TNRC18: variants seen among roughly 807,000 people sequenced by gnomAD.
TNRC18 encodes the protein trinucleotide repeat-containing gene 18 protein.
A neutral mutation model predicts 226.7 loss-of-function variants in TNRC18; 69 were observed. That is an observed-to-expected ratio of 0.30 (90% CI 0.25 to 0.37). The LOEUF is 0.37. Ranked by LOEUF, TNRC18 falls within the 10% of genes least tolerant of loss-of-function variation. The probability of loss-of-function intolerance (pLI) is 1.00; values close to 1 mark genes in which losing one functional copy is unlikely to be tolerated. For synonymous variants in TNRC18, 2,449 were observed against 1,927.6 expected (o/e 1.27, Z -7.09); for missense variants, 4,754 against 4,256.6 (o/e 1.12, Z -3.25).
chr7:5,309,304 A>G lies in TNRC18; in HGVS notation c.8453T>C (p.Met2818Thr), dbSNP rs769944913. ...FYKAIVRGKE[M>T]IRIGDCAVFL... ...CACGGCACAGTCCCCGATACGGATC[A>G]TCTCCTTGCCGCGCACGATGGCCTT... The change falls in exon 28 of 30, where the codon ATG (methionine) becomes ACG (threonine). Residue 2818 changes from methionine (M) to threonine (T), a missense_variant. By Grantham distance (81) the Met-to-Thr change is moderately conservative. Transcript: ENST00000430969. This position sits in a 1 kb window ranked among gnomAD's most constrained non-coding sequence, Gnocchi z 5.7. 9 of 1,613,776 alleles carry G rather than the reference A, an allele frequency of 5.6e-6. No individual in the cohort carries two copies. Among genetic ancestry groups the G allele is most frequent in the African/African-American group, 1.3e-5 (1 of 74,934 alleles).
intron 2 of TNRC18, among the ~76,000 whole-genome samples, chr7:5,401,847 G>A (rs998087182): frequency 2.0e-5 from 3 of 152,126 alleles, no homozygotes; most frequent in Non-Finnish European, 2.9e-5. Flanking sequence ...CAACACTTTG[G>A]AAGGCCAAAG....
chr7:5,415,497 C>A (rs188094413), intron 2 of TNRC18, among the ~76,000 whole-genome samples: 1 of 151,422 alleles, frequency 6.6e-6, no homozygotes, highest in East Asian at 2.0e-4. Flanking sequence ...CTGCTTCAGC[C>A]TCCCCGAGTA....
chr7:5,389,461 G>GTTGTTTTT lies in TNRC18; in HGVS notation c.488-126_488-125insAAAAACAA, dbSNP rs1554297480. The GTTGTTTTT allele has an allele frequency of 1.2e-5, 7 of 565,558 alleles. No homozygotes were observed. In the African/African-American group the frequency reaches 1.6e-4, roughly 13 times the overall value. 35.0% of individuals were successfully genotyped at this position (565,558 alleles called of 1,614,324 possible). On this transcript the variant is annotated intron_variant, in intron 4 of 29. Coordinates refer to ENST00000430969, the MANE Select transcript of TNRC18 (RefSeq NM_001080495.3). Reference sequence around the variant, plus strand: ...TGCCTCCCCCAGTGTTTTGGTTTTGGTTTTTTTTTTCAGAAAGAGTCTCGC... The same window carrying GTTGTTTTT: ...TGCCTCCCCCAGTGTTTTGGTTTTGGTTGTTTTTTTTTTTTTTTCAGAAAGAGTCTCGC...
At chr7:5,382,641 A>C (rs1261714902) in intron 5 of TNRC18, among the ~76,000 whole-genome samples, 1 of 152,170 alleles carries the variant, frequency 6.6e-6, no homozygotes, top group African/African-American at 2.4e-5. Context: ...CCCCCTGTGA[A>C]GCTGGAGGTG....
chr7:5,358,508 G>C (rs1328722026), intron 15 of TNRC18, among the ~76,000 whole-genome samples: 1 of 152,096 alleles, frequency 6.6e-6, no homozygotes, highest in African/African-American at 2.4e-5. Context: ...GCCCCTCTCA[G>C]CCAAGTCAAC....
In TNRC18 at chr7:5,388,736, T is replaced by G; in HGVS notation, c.1088A>C (p.Gln363Pro). 7.2e-6 allele frequency: 9 copies of G among 1,251,618 alleles called. No individual in the cohort carries two copies. The highest frequency in any genetic ancestry group is 8.0e-6 in the Non-Finnish European group (8 of 996,216). The allele number at this position is 1,251,618 out of a possible 1,614,324, so 77.5% of individuals were successfully genotyped here. Residue 363 changes from glutamine (Q) to proline (P), a missense_variant, in exon 5 of 30, where the codon CAG (glutamine) becomes CCG (proline). By Grantham distance (76) the Gln-to-Pro change is moderately conservative (BLOSUM62 -1). Transcript: ENST00000430969. ...CGCCACCACGCGGTGCTCACGGCCC[T>G]GCTCGCGGAAGACGGTGTAGACGCC... is the stretch of plus-strand genomic sequence containing the variant. ...PAGVYTVFRE[Q>P]GREHRVVAPT... is the part of the protein sequence containing the mutation.
rs1291273909 is a variant in TNRC18, at chr7:5,371,380, G to T, written c.3230-16C>A. On this transcript the variant is annotated splice_polypyrimidine_tract_variant and intron_variant, in intron 10 of 29. Coordinates refer to ENST00000430969, the MANE Select transcript of TNRC18 (RefSeq NM_001080495.3). ...GGCGGGATATCTGCCAAGGACACAG[G>T]GGTCAGCATGGGAGCCCTAGGATCT... The T allele has an allele frequency of 6.7e-7, 1 of 1,495,404 alleles. No individual in the cohort carries two copies. Among genetic ancestry groups the T allele is most frequent in the East Asian group, 2.3e-5 (1 of 43,704 alleles). 92.6% of individuals were successfully genotyped at this position (1,495,404 alleles called of 1,614,324 possible). A position where few individuals can be genotyped will look rare whatever the true frequency, so the allele number is the denominator to read the frequency against.
At chr7:5,374,567 G>T in intron 9 of TNRC18, 83 bp from the exon 10 acceptor site, 1 of 1,391,374 alleles carries the variant, frequency 7.2e-7, no homozygotes, top group Non-Finnish European at 9.5e-7. Flanking sequence ...CCCCCCAAGG[G>T]TCCCCGAGTC....
chr7:5,380,805 G>T (rs1400016634), intron 5 of TNRC18, among the ~76,000 whole-genome samples: 2 of 152,170 alleles, frequency 1.3e-5, no homozygotes, highest in Non-Finnish European at 2.9e-5. Flanking sequence ...TCCCACAGCT[G>T]TGCTGAGAAA....
chr7:5,389,471 T>TTTTTTTTTTTTTTA (rs549108764), intron 4 of TNRC18, 135 bp from the exon 5 acceptor site: 2 of 831,248 alleles, frequency 2.4e-6, no homozygotes, highest in East Asian at 1.2e-4. Flanking sequence ...GTTTTTTTTT[T>TTTTTTTTTTTTTTA]CAGAAAGAGT....
intron 10 of TNRC18, among the ~76,000 whole-genome samples, chr7:5,372,820 C>G (rs1583960350): frequency 6.6e-6 from 1 of 152,210 alleles, no homozygotes; most frequent in East Asian, 1.9e-4. Flanking sequence ...CCCAGGAGAT[C>G]AAGACCAGCC....
At position 5,324,965 on chromosome 7, in the gene TNRC18, T is replaced by C; in HGVS notation, c.6300+131A>G. The C allele has an allele frequency of 9.0e-7, 1 of 1,115,554 alleles. No individual in the cohort carries two copies. Among genetic ancestry groups the C allele is most frequent in the Non-Finnish European group, 1.2e-6 (1 of 805,706 alleles). The allele number at this position is 1,115,554 out of a possible 1,614,324, so 69.1% of individuals were successfully genotyped here. A position where few individuals can be genotyped will look rare whatever the true frequency, so the allele number is the denominator to read the frequency against. On this transcript the variant is annotated intron_variant, in intron 20 of 29. Coordinates refer to ENST00000430969, the MANE Select transcript of TNRC18 (RefSeq NM_001080495.3). The surrounding 1 kb of genome is among the most constrained non-coding windows in gnomAD (Gnocchi z 4.8). ...TGTGGGGACGGCCACATCACCCTCG[T>C]CACCCGCAACCTCTCTGAGCCACAG...
intron 3 of TNRC18, among the ~76,000 whole-genome samples, chr7:5,393,891 GGA>G (rs1780475917): frequency 6.6e-6 from 1 of 152,004 alleles, no homozygotes; most frequent in African/African-American, 2.4e-5. Flanking sequence ...TTTTTTTTGT[GGA>G]GATGGGGTCT....
intron 2 of TNRC18, among the ~76,000 whole-genome samples, chr7:5,401,356 C>T (rs930994476): frequency 1.1e-4 from 17 of 152,284 alleles, no homozygotes; most frequent in Non-Finnish European, 2.2e-4. Flanking sequence ...CTGCCCCTCG[C>T]CCTGAATCAG....
intron 18 of TNRC18, among the ~76,000 whole-genome samples, chr7:5,334,195 G>A (rs1789843814): frequency 6.6e-6 from 1 of 152,242 alleles, no homozygotes; most frequent in Admixed American, 6.5e-5. Flanking sequence ...TGAGAGGCTT[G>A]CTCTGCACTG....
At position 5,312,446 on chromosome 7, in the gene TNRC18, G is replaced by A; in HGVS notation, c.8388+57C>T. On this transcript the variant is annotated intron_variant, in intron 27 of 29. Coordinates refer to ENST00000430969, the MANE Select transcript of TNRC18 (RefSeq NM_001080495.3). The surrounding 1 kb of genome is among the most constrained non-coding windows in gnomAD (Gnocchi z 6.3). ...GACACAGCATGAAGCCGTGGGCCCAGCAGAGAGACACAAGGCCCCCGGCCC... is the reference window on the plus strand; with the variant it reads ...GACACAGCATGAAGCCGTGGGCCCAACAGAGAGACACAAGGCCCCCGGCCC... 1 of 1,585,368 alleles carries A rather than the reference G, an allele frequency of 6.3e-7. No individual in the cohort carries two copies. The highest frequency in any genetic ancestry group is 1.1e-5 in the South Asian group (1 of 87,984).
At chr7:5,336,417 A>G (rs1216602283) in intron 18 of TNRC18, among the ~76,000 whole-genome samples, 1 of 152,082 alleles carries the variant, frequency 6.6e-6, no homozygotes, top group East Asian at 1.9e-4. Context: ...GGACAAAAAG[A>G]AACAACAGAA....
chr7:5,307,585 C>T lies in TNRC18; in HGVS notation c.*521G>A, dbSNP rs1286324805. ...CCATCCTGAGAGGGTGGGGGCAGGG[C>T]CCCTGGCACAGTCAGGTAGGCCAGC... On this transcript the variant is annotated 3_prime_UTR_variant, in exon 30 of 30. Coordinates refer to ENST00000430969, the MANE Select transcript of TNRC18 (RefSeq NM_001080495.3). 2 of 447,044 alleles carry T rather than the reference C, an allele frequency of 4.5e-6. No homozygotes were observed. Among genetic ancestry groups the T allele is most frequent in the East Asian group, 7.2e-5 (1 of 13,900 alleles). The allele number at this position is 447,044 out of a possible 1,614,324, so 27.7% of individuals were successfully genotyped here.
At chr7:5,332,167 T>C (rs1235116760) in intron 19 of TNRC18, among the ~76,000 whole-genome samples, 1 of 152,156 alleles carries the variant, frequency 6.6e-6, no homozygotes, top group Non-Finnish European at 1.5e-5. Flanking sequence ...TCAAGCATGG[T>C]GGCTCATGCC....
Sources: gnomAD v4.1 joint callset for allele counts (sites outside exome capture counted in the v4.1 genomes callset) on GRCh38, gnomAD v4.1.1 for gene constraint, Gnocchi (gnomAD v3.1) non-coding constraint, MANE v1.5 for transcripts, NCBI Gene and HGNC (gene_info 2026-07-23, HGNC 2026-07-21) for gene names.